The following MTF1 variants were observed in gnomAD, a reference collection of about 807,000 sequenced individuals.
MTF1 encodes the protein metal regulatory transcription factor 1.
In MTF1, 22 loss-of-function variants were observed where a neutral mutation model predicts 70.4. The ratio of observed to expected loss-of-function variants is 0.31; its 90% confidence interval spans 0.22 to 0.45. The LOEUF is 0.45. Among genes scored for constraint, MTF1 ranks in the 20% least tolerant of loss-of-function variants. MTF1 has a pLI of 1.00. For synonymous variants in MTF1, 333 were observed against 352.8 expected (o/e 0.94, Z 0.63); for missense variants, 649 against 922.0 (o/e 0.70, Z 3.83).
chr1:37,853,965 A>G (rs934378973), intron 2 of MTF1, among the ~76,000 whole-genome samples: 1 of 152,232 alleles, frequency 6.6e-6, no homozygotes, highest in Admixed American at 6.5e-5. Context: ...AAGCTCAAAT[A>G]TTGGACTGAA....
rs781777852 is a variant in MTF1 at position 37,845,532 on chromosome 1, T to TG, written c.409-5375dup. Among the ~76,000 whole-genome samples, 12 of 152,306 alleles carry TG rather than the reference T, an allele frequency of 7.9e-5. No homozygotes were observed. In the East Asian group the frequency reaches 2.3e-3, roughly 29 times the overall value. ...TTGACAGATTGACTGATTGAATAGA[T>TG]GGAGTTTCTCTCTGTCACCTAGGCT... On this transcript the variant is annotated intron_variant, in intron 2 of 10. Transcript: ENST00000373036.
At chr1:37,832,003 A>C (rs1243437206) in intron 7 of MTF1, among the ~76,000 whole-genome samples, 4 of 152,240 alleles carry the variant, frequency 2.6e-5, no homozygotes, top group Admixed American at 2.6e-4. Context: ...ATGAGTAAAA[A>C]AAAGAAATTT....
At chr1:37,850,541 GAA>G (rs1036880242) in intron 2 of MTF1, among the ~76,000 whole-genome samples, 4 of 150,024 alleles carry the variant, frequency 2.7e-5, no homozygotes, top group African/African-American at 9.8e-5. Flanking sequence ...ATGAGAGAGA[GAA>G]AGAGAAAAAA....
chr1:37,823,753 C>G lies in MTF1; in HGVS notation c.1128G>C (p.Gln376His). ...CCTGAATTGCCGTATCATCTGAATTCTGGAACATTGATTCAAAGATGATTG... is the reference window on the plus strand; with the variant it reads ...CCTGAATTGCCGTATCATCTGAATTGTGGAACATTGATTCAAAGATGATTG... ...SPAIIFESMF[Q>H]NSDDTAIQED... is the part of the protein sequence containing the mutation. Residue 376 changes from glutamine to histidine, a missense_variant, in exon 8 of 11, where the codon CAG becomes CAC. Physicochemically the swap from Gln to His is conservative, Grantham distance 24. This residue lies in a region of MTF1 where 267 missense variants were observed against 292.1 expected (regional missense o/e 0.91). Transcript: ENST00000373036. 1 of 1,614,100 alleles carries G rather than the reference C, an allele frequency of 6.2e-7. No individual in the cohort carries two copies. The highest frequency in any genetic ancestry group is 1.1e-5 in the South Asian group (1 of 91,080).
At chr1:37,825,463 CT>C (rs1164395682) in intron 7 of MTF1, among the ~76,000 whole-genome samples, 1 of 152,132 alleles carries the variant, frequency 6.6e-6, no homozygotes, top group African/African-American at 2.4e-5. Context: ...TCTGGAACTC[CT>C]GGGCTCAAGA....
At chr1:37,835,628 G>C (rs1641156388) in intron 5 of MTF1, 43 bp downstream of exon 5, 2 of 1,448,490 alleles carry the variant, frequency 1.4e-6, no homozygotes, top group Non-Finnish European at 9.7e-7. Context: ...ATGGAAAATT[G>C]ATAGTTACAG....
rs755267887 is a variant in MTF1 at position 37,840,165 on chromosome 1, G to A, written c.409-7C>T. 1.2e-6 allele frequency: 2 copies of A among 1,613,290 alleles called. No homozygotes were observed. Among genetic ancestry groups the A allele is most frequent in the African/African-American group, 1.3e-5 (1 of 74,924 alleles). On this transcript the variant is annotated splice_polypyrimidine_tract_variant and splice_region_variant and intron_variant, in intron 2 of 10. Transcript: ENST00000373036. This position sits in a 1 kb window ranked among gnomAD's most constrained non-coding sequence, Gnocchi z 4.5. ...TACATTGGTACCGCTTTACCTGGCA[G>A]AGAAAAGATACCTCATCAACAGGAC...
At chr1:37,817,848 C>T (rs1009175586) in intron 9 of MTF1, among the ~76,000 whole-genome samples, 1 of 152,184 alleles carries the variant, frequency 6.6e-6, no homozygotes, top group Non-Finnish European at 1.5e-5. Flanking sequence ...CCTGCTGCCC[C>T]CTAGTACTTC....
At chr1:37,830,487 CT>C (rs774815145) in intron 7 of MTF1, among the ~76,000 whole-genome samples, 108 of 152,210 alleles carry the variant, frequency 7.1e-4, no homozygotes, top group Non-Finnish European at 1.4e-3. Context: ...CATATAATAG[CT>C]TTTAAAAATC....
chr1:37,858,010 T>C (rs545586019), intron 1 of MTF1, among the ~76,000 whole-genome samples: 1 of 111,882 alleles, frequency 8.9e-6, no homozygotes, highest in East Asian at 2.3e-4. Flanking sequence ...GACCCCCATC[T>C]CTAATAAAAA....
intron 9 of MTF1, among the ~76,000 whole-genome samples, chr1:37,818,727 G>A (rs548322065): frequency 7.6e-4 from 114 of 150,090 alleles, no homozygotes; most frequent in African/African-American, 2.7e-3. Flanking sequence ...AGGTGTGGTG[G>A]CTCACGCCTG....
intron 5 of MTF1, among the ~76,000 whole-genome samples, 199 bp from the exon 6 acceptor site, chr1:37,835,414 G>A (rs933875199): frequency 1.3e-5 from 2 of 152,030 alleles, no homozygotes; most frequent in Non-Finnish European, 2.9e-5. Context: ...GCCTACTGCT[G>A]GGAAGTTTAA....
chr1:37,838,794 A>ATTC, intron 3 of MTF1, 38 bp from the exon 4 acceptor site: 1 of 501,750 alleles, frequency 2.0e-6, no homozygotes, highest in Non-Finnish European at 2.9e-6. Context: ...TTGTCATAAA[A>ATTC]TTCTTTTTTT....
At position 37,817,325 on chromosome 1, in the gene MTF1, T is replaced by C. The variant is rs1640835318; in HGVS notation, c.1831+94A>G. ...TTAACTGAGGCTGTTTAAAGATTTTTAAAGTTTTAGAAACTGGGACAAAGC... is the reference window on the plus strand; with the variant it reads ...TTAACTGAGGCTGTTTAAAGATTTTCAAAGTTTTAGAAACTGGGACAAAGC... On this transcript the variant is annotated intron_variant, in intron 10 of 10. Transcript: ENST00000373036. 5.0e-6 allele frequency: 4 copies of C among 796,432 alleles called. No individual in the cohort carries two copies. The South Asian group carries it at 5.8e-5, about 12-fold the overall frequency. The allele number at this position is 796,432 out of a possible 1,614,324, so 49.3% of individuals were successfully genotyped here. A position where few individuals can be genotyped will look rare whatever the true frequency, so the allele number is the denominator to read the frequency against.
In MTF1 at chr1:37,857,415, G is replaced by A. The variant is rs1232226927; in HGVS notation, c.244C>T (p.His82Tyr). ...GACATTGCTTCATGATCTATCAGGTGAAAGCCCTCTTCACCCCCTACTAGA... is the reference window on the plus strand; with the variant it reads ...GACATTGCTTCATGATCTATCAGGTAAAAGCCCTCTTCACCCCCTACTAGA... ...PFLVGGEEGF[H>Y]LIDHEAMSQG... is the part of the protein sequence containing the mutation. The change falls in exon 2 of 11, where the codon CAC (histidine) becomes TAC (tyrosine). Residue 82 changes from histidine (H) to tyrosine (Y), a missense_variant. Coordinates refer to ENST00000373036, the MANE Select transcript of MTF1 (RefSeq NM_005955.3). 25 of 1,614,176 alleles carry A rather than the reference G, an allele frequency of 1.5e-5. No homozygotes were observed. Among genetic ancestry groups the A allele is most frequent in the Non-Finnish European group, 1.9e-5 (22 of 1,180,044 alleles).
chr1:37,819,730 T>G (rs1053554927), intron 9 of MTF1, among the ~76,000 whole-genome samples: 1 of 151,992 alleles, frequency 6.6e-6, no homozygotes, highest in Non-Finnish European at 1.5e-5. Flanking sequence ...GGTGGGCGAA[T>G]CACCTGAGGT....
intron 1 of MTF1, 78 bp downstream of exon 1, chr1:37,859,453 A>T (rs1342756555): frequency 2.5e-6 from 1 of 398,472 alleles, no homozygotes; most frequent in Non-Finnish European, 4.4e-6. Flanking sequence ...TCTATTGGGA[A>T]ATGCTTCAGG....
At position 37,835,302 on chromosome 1, in the gene MTF1, A is replaced by C. The variant is rs934971933; in HGVS notation, c.854-87T>G. The C allele has an allele frequency of 3.5e-6, 4 of 1,138,814 alleles. No homozygotes were observed. In the African/African-American group the frequency reaches 6.2e-5, roughly 18 times the overall value. The allele number at this position is 1,138,814 out of a possible 1,614,324, so 70.5% of individuals were successfully genotyped here. A position where few individuals can be genotyped will look rare whatever the true frequency, so the allele number is the denominator to read the frequency against. On this transcript the variant is annotated intron_variant, in intron 5 of 10. Transcript: ENST00000373036. The stretch of plus-strand genomic sequence containing the variant: ...TACCTTTCCCTAATAGAGGTAAGTA[A>C]GTATTTTTAAGAGAGTTTGGGTAAC...
chr1:37,830,581 C>A (rs1641071481), intron 7 of MTF1, among the ~76,000 whole-genome samples: 1 of 152,196 alleles, frequency 6.6e-6, no homozygotes, highest in Non-Finnish European at 1.5e-5. Flanking sequence ...GGTCCATCTC[C>A]ACAGATTACC....
Sources: gnomAD v4.1 joint callset for allele counts (sites outside exome capture counted in the v4.1 genomes callset) on GRCh38, gnomAD v4.1.1 for gene constraint, gnomAD v4.1.1 regional missense constraint, Gnocchi (gnomAD v3.1) non-coding constraint, MANE v1.5 for transcripts, NCBI Gene and HGNC (gene_info 2026-07-23, HGNC 2026-07-21) for gene names.